ASPG: variants seen among roughly 807,000 people sequenced by gnomAD.
The protein encoded by ASPG is asparaginase.
ASPG carries 53 observed loss-of-function variants against 63.2 expected under a neutral mutation model. The ratio of observed to expected loss-of-function variants is 0.84; its 90% confidence interval spans 0.67 to 1.05. The LOEUF is 1.05. Among genes scored for constraint, ASPG ranks in the 50% least tolerant of loss-of-function variants. The probability of loss-of-function intolerance (pLI) is 0.00; values close to 1 mark genes in which losing one functional copy is unlikely to be tolerated. For missense variants in ASPG, 741 were observed against 794.4 expected (o/e 0.93, Z 0.81); for synonymous variants, 370 against 355.0 (o/e 1.04, Z -0.48).
chr14:104,090,977 C>T (rs368519478), intron 1 of ASPG, among the ~76,000 whole-genome samples: 3 of 152,120 alleles, frequency 2.0e-5, no homozygotes, highest in South Asian at 2.1e-4. Flanking sequence ...GTGATTCTCC[C>T]GCCTCAACCT....
chr14:104,111,057 G>A (rs1309154209), intron 13 of ASPG: 10 of 985,328 alleles, frequency 1.0e-5, no homozygotes, highest in Middle Eastern at 5.2e-4. Flanking sequence ...TGCGGACCCC[G>A]CCCCGGGAAG....
Position 104,091,352 on chromosome 14 carries a change from C to T in ASPG, c.83-1281C>T, listed in dbSNP as rs1039831764. ...GCCCGTGTCCTGGCTGTGCTCTGGG[C>T]GCCTCGGAGGGCAGACGGGCAGACA... On this transcript the variant is annotated intron_variant, in intron 1 of 15. Coordinates refer to ENST00000551177, the MANE Select transcript of ASPG (RefSeq NM_001080464.3). The surrounding 1 kb of genome is among the most constrained non-coding windows in gnomAD (Gnocchi z 6.4). Among the ~76,000 whole-genome samples, 1 of 152,094 alleles carries T rather than the reference C, an allele frequency of 6.6e-6. No individual in the cohort carries two copies. The highest frequency in any genetic ancestry group is 6.5e-5 in the Admixed American group (1 of 15,270).
In ASPG at chr14:104,087,797, C is replaced by T. The variant is rs147265827; in HGVS notation, c.82+1945C>T. ...CCACACACCCGTCTCGCTTGGCCCC[C>T]GCGTGCTCGCCGCAGCAGCCTGTGG... On this transcript the variant is annotated intron_variant, in intron 1 of 15. Transcript: ENST00000551177. Among the ~76,000 whole-genome samples the T allele has an allele frequency of 6.4e-3, 968 of 152,348 alleles. 8 individuals carry two copies. The highest frequency in any genetic ancestry group is 0.022 in the African/African-American group (928 of 41,574).
chr14:104,103,622 A>G lies in ASPG; in HGVS notation c.700A>G (p.Met234Val). 1 of 1,548,144 alleles carries G rather than the reference A, an allele frequency of 6.5e-7. No individual in the cohort carries two copies. Among genetic ancestry groups the G allele is most frequent in the South Asian group, 1.2e-5 (1 of 83,970 alleles). Reference protein sequence around the residue: ...GKAGLVVHSSMEQDVGLLRLY... With the variant: ...GKAGLVVHSSVEQDVGLLRLY... The stretch of plus-strand genomic sequence containing the variant: ...GGCTGGGCTGGTGGTGCACAGCAGC[A>G]TGGAGCAGGACGTGGGCCTGCTGCG... Residue 234 changes from methionine (M) to valine (V), a missense_variant, in exon 7 of 16, where the codon ATG becomes GTG. Met to Val is a conservative substitution (Grantham distance 21). Coordinates refer to ENST00000551177, the MANE Select transcript of ASPG (RefSeq NM_001080464.3).
chr14:104,085,720 C>T lies in ASPG; in HGVS notation c.-51C>T. Reference sequence around the variant, plus strand: ...CGCGCAGTCCCTGAGTCCCGCAGGCCCTGCGTCCCCGCTGCACACCCCCGT... The same window carrying T: ...CGCGCAGTCCCTGAGTCCCGCAGGCTCTGCGTCCCCGCTGCACACCCCCGT... On this transcript the variant is annotated 5_prime_UTR_variant, in exon 1 of 16. Transcript: ENST00000551177. 3 of 1,463,070 alleles carry T rather than the reference C, an allele frequency of 2.1e-6. No homozygotes were observed. Among genetic ancestry groups the T allele is most frequent in the Non-Finnish European group, 2.7e-6 (3 of 1,108,594 alleles). The allele number at this position is 1,463,070 out of a possible 1,614,324, so 90.6% of individuals were successfully genotyped here. A position where few individuals can be genotyped will look rare whatever the true frequency, so the allele number is the denominator to read the frequency against.
At chr14:104,087,381 A>C (rs1566821360) in intron 1 of ASPG, among the ~76,000 whole-genome samples, 1 of 152,236 alleles carries the variant, frequency 6.6e-6, no homozygotes, top group Non-Finnish European at 1.5e-5. Flanking sequence ...TTAAGGAGCT[A>C]GTCCCAGGGG....
At position 104,109,412 on chromosome 14, in the gene ASPG, T is replaced by G; in HGVS notation, c.1520+97T>G. ...GCTGGGAGGGACAAGTGAGTCAGGG[T>G]GTGGGGGCTTTCAGAGGCGAGGCCC... On this transcript the variant is annotated intron_variant, in intron 13 of 15. Coordinates refer to ENST00000551177, the MANE Select transcript of ASPG (RefSeq NM_001080464.3). The surrounding 1 kb of genome is among the most constrained non-coding windows in gnomAD (Gnocchi z 4.8). The G allele has an allele frequency of 7.3e-7, 1 of 1,366,054 alleles. No homozygotes were observed. Among genetic ancestry groups the G allele is most frequent in the Non-Finnish European group, 9.8e-7 (1 of 1,016,722 alleles). 84.6% of individuals were successfully genotyped at this position (1,366,054 alleles called of 1,614,324 possible).
rs758737512 is a variant in ASPG, at chr14:104,110,009, C to T, written c.1520+694C>T. ...AGGGATGCAGGGATCCTCCTCTGTC[C>T]GCCACAGCCAGAATCGCTGCCCCCC... On this transcript the variant is annotated intron_variant, in intron 13 of 15. Coordinates refer to ENST00000551177, the MANE Select transcript of ASPG (RefSeq NM_001080464.3). The surrounding 1 kb of genome is among the most constrained non-coding windows in gnomAD (Gnocchi z 4.7). 348 of 985,232 alleles carry T rather than the reference C, an allele frequency of 3.5e-4. No individual in the cohort carries two copies. The highest frequency in any genetic ancestry group is 8.0e-4 in the Admixed American group (13 of 16,266). 61.0% of individuals were successfully genotyped at this position (985,232 alleles called of 1,614,324 possible).
At chr14:104,094,847 C>T (rs2036524252) in intron 3 of ASPG, among the ~76,000 whole-genome samples, 2 of 152,214 alleles carry the variant, frequency 1.3e-5, no homozygotes, top group African/African-American at 4.8e-5. Flanking sequence ...CCTTCCCCTC[C>T]TTGGCCTCCG....
intron 6 of ASPG, among the ~76,000 whole-genome samples, chr14:104,099,506 C>G (rs1285432593): frequency 1.3e-5 from 2 of 152,184 alleles, no homozygotes; most frequent in East Asian, 3.9e-4. Flanking sequence ...TTCTCAGAGA[C>G]TGGTGCCCTG....
At chr14:104,111,006 T>G (rs1015531474) in intron 13 of ASPG, 36 of 985,314 alleles carry the variant, frequency 3.7e-5, no homozygotes, top group Non-Finnish European at 4.1e-5. Flanking sequence ...TGTGTCCCCC[T>G]CTCTGAACCA....
intron 3 of ASPG, 69 bp from the exon 4 acceptor site, chr14:104,095,462 C>T (rs1280707450): frequency 1.7e-5 from 27 of 1,600,662 alleles, no homozygotes; most frequent in Non-Finnish European, 2.1e-5. Flanking sequence ...ACCCTTTCCC[C>T]CATGCTGCAA....
chr14:104,103,513 C>T lies in ASPG; in HGVS notation c.641-50C>T, dbSNP rs370367814. The T allele has an allele frequency of 1.2e-4, 180 of 1,493,138 alleles. 1 individual carries two copies. The African/African-American group carries it at 2.0e-3, about 17-fold the overall frequency. 92.5% of individuals were successfully genotyped at this position (1,493,138 alleles called of 1,614,324 possible). The stretch of plus-strand genomic sequence containing the variant: ...AGGGCCAGGCACTGGGCTGGGGTCT[C>T]GGCTGGCAGGAGGCCTGAAGGCACC... On this transcript the variant is annotated intron_variant, in intron 6 of 15. Transcript: ENST00000551177.
At chr14:104,094,669 A>C (rs1386434372) in intron 3 of ASPG, among the ~76,000 whole-genome samples, 1 of 152,066 alleles carries the variant, frequency 6.6e-6, no homozygotes, top group Non-Finnish European at 1.5e-5. Flanking sequence ...AGGACCCTCC[A>C]TTTGTAGCCG....
At chr14:104,094,903 C>T (rs531082151) in intron 3 of ASPG, among the ~76,000 whole-genome samples, 3 of 152,296 alleles carry the variant, frequency 2.0e-5, no homozygotes, top group East Asian at 3.9e-4. Context: ...TTTTAATGGC[C>T]CCCCGGGCAG....
In ASPG at chr14:104,113,310, G is replaced by A. The variant is rs1267862675; in HGVS notation, c.*766G>A. 1 of 151,796 alleles carries A rather than the reference G, an allele frequency of 6.6e-6. No homozygotes were observed. Among genetic ancestry groups the A allele is most frequent in the African/African-American group, 2.4e-5 (1 of 41,342 alleles). The allele number at this position is 151,796 out of a possible 1,614,324, so 9.4% of individuals were successfully genotyped here. A position where few individuals can be genotyped will look rare whatever the true frequency, so the allele number is the denominator to read the frequency against. On this transcript the variant is annotated 3_prime_UTR_variant, in exon 16 of 16. Transcript: ENST00000551177. Reference sequence around the variant, plus strand: ...CAGGCCACCCTGTAAGGGAAGAGGTGAGCTGTGCCTGCCTGGTTGCACAGC... The same window carrying A: ...CAGGCCACCCTGTAAGGGAAGAGGTAAGCTGTGCCTGCCTGGTTGCACAGC...
At chr14:104,097,422 G>A (rs1286327481) in intron 4 of ASPG, 132 bp from the exon 5 acceptor site, 4 of 855,102 alleles carry the variant, frequency 4.7e-6, no homozygotes, top group South Asian at 1.9e-5. Flanking sequence ...GTCCAAGCCC[G>A]CCTGTCCTTC....
chr14:104,086,901 C>T (rs1403079017), intron 1 of ASPG, among the ~76,000 whole-genome samples: 2 of 152,152 alleles, frequency 1.3e-5, no homozygotes, highest in Non-Finnish European at 2.9e-5. Flanking sequence ...CCAGGGCCTC[C>T]CCTGGCATGA....
At chr14:104,102,052 G>A (rs1189686005) in intron 6 of ASPG, among the ~76,000 whole-genome samples, 1 of 152,242 alleles carries the variant, frequency 6.6e-6, no homozygotes, top group Non-Finnish European at 1.5e-5. Flanking sequence ...AGGTCAGTGC[G>A]GGGTGGGTGT....
Sources: allele counts gnomAD v4.1 joint callset (sites outside exome capture counted in the v4.1 genomes callset), GRCh38; gene constraint gnomAD v4.1.1; non-coding constraint Gnocchi (gnomAD v3.1); transcripts MANE v1.5; gene names NCBI Gene and HGNC (gene_info 2026-07-23, HGNC 2026-07-21).